TENM3: variants seen among roughly 807,000 people sequenced by gnomAD.
TENM3 encodes the protein teneurin transmembrane protein 3.
A neutral mutation model predicts 255.1 loss-of-function variants in TENM3; 63 were observed. The ratio of observed to expected loss-of-function variants is 0.25; its 90% CI spans 0.20 to 0.30. TENM3 has a LOEUF of 0.30. Among genes scored for constraint, TENM3 ranks in the 10% least tolerant of loss-of-function variants. The pLI is 1.00. For missense variants in TENM3, 2,929 were observed against 3,461.1 expected (o/e 0.85, Z 3.86); for synonymous variants, 1,306 against 1,322.3 (o/e 0.99, Z 0.27).
At chr4:181,605,514 G>C in the TENM3 span, among the ~76,000 whole-genome samples, 2 of 17,528 alleles carry the variant, frequency 1.1e-4, no homozygotes, top group African/African-American at 2.9e-4. Flanking sequence ...AAGAAAGAAA[G>C]AAAGAAAGAA....
chr4:182,517,790 A>G (rs536187332), intron 3 of TENM3, among the ~76,000 whole-genome samples: 1 of 152,338 alleles, frequency 6.6e-6, no homozygotes, highest in East Asian at 1.9e-4. Context: ...ACCTATACTT[A>G]ACATTCATCT....
intron 7 of TENM3, among the ~76,000 whole-genome samples, chr4:182,674,583 GT>G (rs1384654148): frequency 7.9e-5 from 12 of 151,766 alleles, no homozygotes; most frequent in Non-Finnish European, 1.5e-4. Context: ...TGTTTGTTTT[GT>G]TTTTTGTTTG....
At chr4:181,953,385 A>G in the TENM3 span, among the ~76,000 whole-genome samples, 2 of 152,140 alleles carry the variant, frequency 1.3e-5, no homozygotes, top group East Asian at 3.9e-4. Context: ...ACTTTGTTAT[A>G]TGCATGAATA....
intron 6 of TENM3, among the ~76,000 whole-genome samples, chr4:182,669,419 G>A (rs11945018): frequency 0.32 from 48,646 of 151,530 alleles, 8,341 homozygotes; most frequent in South Asian, 0.46. Context: ...ACAGGCGCCC[G>A]CCACCACACC....
chr4:182,238,032 C>T (rs757961408), intron 1 of TENM3, among the ~76,000 whole-genome samples: 4 of 152,178 alleles, frequency 2.6e-5, no homozygotes, highest in African/African-American at 4.8e-5. Context: ...TTTCCATACA[C>T]TAAGACTACA....
At chr4:181,948,916 G>A in the TENM3 span, among the ~76,000 whole-genome samples, 1 of 152,058 alleles carries the variant, frequency 6.6e-6, no homozygotes, top group Non-Finnish European at 1.5e-5. Flanking sequence ...TATGCAGTAG[G>A]GGAGTGCTAG....
At chr4:182,020,519 A>G in the TENM3 span, among the ~76,000 whole-genome samples, 1 of 152,136 alleles carries the variant, frequency 6.6e-6, no homozygotes, top group African/African-American at 2.4e-5. Context: ...ACAATAATAT[A>G]CCATTTCACA....
At chr4:181,661,987 A>C in the TENM3 span, among the ~76,000 whole-genome samples, 1 of 151,918 alleles carries the variant, frequency 6.6e-6, no homozygotes, top group African/African-American at 2.4e-5. Context: ...AAGATAACAG[A>C]CTCCAATTGT....
At chr4:182,319,236 T>C (rs1325181539) in intron 1 of TENM3, among the ~76,000 whole-genome samples, 1 of 152,248 alleles carries the variant, frequency 6.6e-6, no homozygotes, top group East Asian at 1.9e-4. Flanking sequence ...TGTAGGACTG[T>C]GCAGTCACTA....
chr4:182,547,638 C>G (rs1741575138), intron 3 of TENM3, among the ~76,000 whole-genome samples: 1 of 152,104 alleles, frequency 6.6e-6, no homozygotes, highest in Non-Finnish European at 1.5e-5. Context: ...AGCACACTAC[C>G]AGTTCTATCC....
chr4:181,886,977 A>G, the TENM3 span, among the ~76,000 whole-genome samples: 104 of 152,334 alleles, frequency 6.8e-4, no homozygotes, highest in East Asian at 5.4e-3. Context: ...TGGGAGCTAG[A>G]GAAAATAGCT....
intron 22 of TENM3, among the ~76,000 whole-genome samples, chr4:182,769,088 C>G (rs148300924): frequency 6.6e-6 from 1 of 152,184 alleles, no homozygotes; most frequent in African/African-American, 2.4e-5. Context: ...GGCCAAGCAA[C>G]GTTCAGTTGA....
At chr4:182,100,562 C>CACATATATAT in the TENM3 span, among the ~76,000 whole-genome samples, 2 of 80,252 alleles carry the variant, frequency 2.5e-5, no homozygotes, top group African/African-American at 1.4e-4. Flanking sequence ...CATATATATA[C>CACATATATAT]ACACATATAT....
At chr4:182,595,974 A>C (rs1661529213) in intron 3 of TENM3, among the ~76,000 whole-genome samples, 3 of 151,892 alleles carry the variant, frequency 2.0e-5, no homozygotes, top group Non-Finnish European at 4.4e-5. Context: ...GAACATTTTC[A>C]AAGAAATATT....
chr4:181,544,074 G>T, the TENM3 span, among the ~76,000 whole-genome samples: 11 of 152,086 alleles, frequency 7.2e-5, no homozygotes, highest in African/African-American at 2.7e-4. Flanking sequence ...TTTAAAAATA[G>T]ATTGAGAAGA....
intron 4 of TENM3, among the ~76,000 whole-genome samples, chr4:182,621,740 ATATAATATAT>A (rs1750246846): frequency 2.8e-5 from 1 of 35,816 alleles, no homozygotes; most frequent in African/African-American, 9.2e-5. Flanking sequence ...AATATATAAT[ATATAATATAT>A]TATAATATAT....
chr4:181,890,056 C>T, the TENM3 span, among the ~76,000 whole-genome samples: 3 of 152,156 alleles, frequency 2.0e-5, no homozygotes, highest in Admixed American at 2.0e-4. Context: ...ATCCATCAGC[C>T]ACCCCCTTTA....
the TENM3 span, among the ~76,000 whole-genome samples, chr4:181,489,331 A>G: frequency 1.8e-4 from 28 of 152,192 alleles, no homozygotes; most frequent in East Asian, 3.9e-4. Flanking sequence ...CTTAACTTCA[A>G]AAATAGAGAA....
chr4:181,470,784 T>A, the TENM3 span, among the ~76,000 whole-genome samples: 5 of 152,248 alleles, frequency 3.3e-5, 1 homozygote, highest in East Asian at 9.6e-4. Context: ...CCTTGGAAAG[T>A]CAAATTCCAA....
Sources: gnomAD v4.1 joint callset for allele counts (sites outside exome capture counted in the v4.1 genomes callset) on GRCh38, gnomAD v4.1.1 for gene constraint, MANE v1.5 for transcripts, NCBI Gene and HGNC (gene_info 2026-07-23, HGNC 2026-07-21) for gene names.